Variants in RAPGEF5 observed in about 807,000 individuals in gnomAD.
RAPGEF5 encodes the protein M-Ras-regulated GEF.
In RAPGEF5, 65 loss-of-function variants were observed where a neutral mutation model predicts 125.2. That is an observed-to-expected ratio of 0.52 (90% CI 0.43 to 0.64). The LOEUF (loss-of-function observed/expected upper bound fraction) is 0.64. Ranked by LOEUF, RAPGEF5 falls within the 30% of genes least tolerant of loss-of-function variation. RAPGEF5 has a pLI of 0.00. For synonymous variants in RAPGEF5, 391 were observed against 385.9 expected, an observed-to-expected ratio of 1.01 and a Z score of -0.16; for missense variants, 958 against 1,048.1, an observed-to-expected ratio of 0.91 and a Z score of 1.19.
rs575195463 is a variant in RAPGEF5 at position 22,243,654 on chromosome 7, C to T, written c.797-12735G>A. On this transcript the variant is annotated intron_variant, in intron 7 of 25. Coordinates refer to ENST00000665637, the MANE Select transcript of RAPGEF5 (RefSeq NM_012294.5). ...AAGAGTTGTATATATTTATGGGATA[C>T]AATAGGATGCTTTGATGTATGCATA... 2.7e-3 allele frequency among the ~76,000 whole-genome samples: 406 copies of T among 152,174 alleles called. 1 individual carries two copies. Among genetic ancestry groups the T allele is most frequent in the Non-Finnish European group, 4.8e-3 (325 of 68,008 alleles).
rs774754319 is a variant in RAPGEF5, at chr7:22,318,012, G to A, written c.257C>T (p.Pro86Leu). 41 of 1,545,036 alleles carry A rather than the reference G, an allele frequency of 2.7e-5. No individual in the cohort carries two copies. The highest frequency in any genetic ancestry group is 2.4e-5 in the East Asian group (1 of 40,824). ...GRTLSRRISN[P>L]YLEHTPSQIY... ...CTGGGAAGGCGTATGTTCAAGGTAC[G>A]GATTAGATATTCTTCTTGATAGAGT... The change falls in exon 2 of 26, where the codon CCG becomes CTG. Residue 86 changes from proline to leucine, a missense_variant. Transcript: ENST00000665637.
intron 20 of RAPGEF5, among the ~76,000 whole-genome samples, chr7:22,144,069 G>C (rs188412372): frequency 6.6e-6 from 1 of 152,364 alleles, no homozygotes; most frequent in Non-Finnish European, 1.5e-5. Context: ...GGAAGATTTT[G>C]ATTCATGCTC....
intron 7 of RAPGEF5, among the ~76,000 whole-genome samples, chr7:22,251,085 G>A (rs147976298): frequency 2.6e-5 from 4 of 152,104 alleles, no homozygotes; most frequent in Non-Finnish European, 4.4e-5. Context: ...TAGTATATAA[G>A]AGACATGATT....
intron 10 of RAPGEF5, 125 bp from the exon 11 acceptor site, chr7:22,193,580 G>A (rs1447784869): frequency 1.3e-6 from 2 of 1,551,440 alleles, no homozygotes; most frequent in South Asian, 1.2e-5. Flanking sequence ...GTAGGCAAGG[G>A]CAGCTCTCGG....
At chr7:22,302,289 G>A (rs1202587285) in intron 5 of RAPGEF5, among the ~76,000 whole-genome samples, 1 of 152,188 alleles carries the variant, frequency 6.6e-6, no homozygotes, top group Non-Finnish European at 1.5e-5. Context: ...AGTCAGGACA[G>A]AGAGGGGGCT....
chr7:22,283,158 A>G (rs777762203), intron 6 of RAPGEF5, among the ~76,000 whole-genome samples: 29 of 152,150 alleles, frequency 1.9e-4, no homozygotes, highest in Non-Finnish European at 3.8e-4. Flanking sequence ...TAGAAAAATG[A>G]TAAAGTCTTT....
intron 14 of RAPGEF5, among the ~76,000 whole-genome samples, chr7:22,158,783 G>A (rs10950893): frequency 0.31 from 47,003 of 151,694 alleles, 7,863 homozygotes; most frequent in Non-Finnish European, 0.38. Context: ...GTGACACCAC[G>A]CCCAGCTAAG....
chr7:22,154,774 GGGT>G (rs1417530537), intron 16 of RAPGEF5, among the ~76,000 whole-genome samples, 170 bp from the exon 17 acceptor site: 8 of 152,170 alleles, frequency 5.3e-5, no homozygotes, highest in Admixed American at 3.3e-4. Flanking sequence ...GAGCACCTGA[GGGT>G]ATACGTCTAT....
At chr7:22,243,234 T>TA (rs1786385631) in intron 7 of RAPGEF5, among the ~76,000 whole-genome samples, 1 of 152,274 alleles carries the variant, frequency 6.6e-6, no homozygotes, top group South Asian at 2.1e-4. Flanking sequence ...TATTTGGGGA[T>TA]AAAAAAGTTT....
At chr7:22,331,384 TTCTATACCCTC>T (rs1783913198) in intron 1 of RAPGEF5, among the ~76,000 whole-genome samples, 1 of 152,186 alleles carries the variant, frequency 6.6e-6, no homozygotes, top group Admixed American at 6.5e-5. Flanking sequence ...AGCTCGATCT[TTCTATACCCTC>T]TTAAGTCTGA....
chr7:22,123,428 A>G (rs1348311787), intron 25 of RAPGEF5, among the ~76,000 whole-genome samples: 1 of 152,218 alleles, frequency 6.6e-6, no homozygotes, highest in Non-Finnish European at 1.5e-5. Context: ...TGGTGAAGAC[A>G]TCATATCCTG....
chr7:22,166,906 G>C (rs993578497), intron 12 of RAPGEF5, among the ~76,000 whole-genome samples, 164 bp downstream of exon 12: 1 of 152,138 alleles, frequency 6.6e-6, no homozygotes, highest in African/African-American at 2.4e-5. Context: ...AGTTTCCCCT[G>C]TCTGTCTCAT....
At chr7:22,168,210 G>T (rs749536966) in intron 11 of RAPGEF5, among the ~76,000 whole-genome samples, 23 of 152,246 alleles carry the variant, frequency 1.5e-4, no homozygotes, top group Non-Finnish European at 2.4e-4. Flanking sequence ...TATTTGAGAG[G>T]TAATTAGGAT....
intron 7 of RAPGEF5, among the ~76,000 whole-genome samples, chr7:22,248,160 G>T (rs909387640): frequency 2.6e-5 from 4 of 151,924 alleles, no homozygotes; most frequent in East Asian, 3.9e-4. Context: ...AAAGTAAAAA[G>T]AAACAAAAAA....
At chr7:22,325,715 C>G (rs1482772449) in intron 1 of RAPGEF5, among the ~76,000 whole-genome samples, 1 of 152,188 alleles carries the variant, frequency 6.6e-6, no homozygotes, top group Non-Finnish European at 1.5e-5. Context: ...CAGGTGCACA[C>G]CACCATGCCT....
intron 5 of RAPGEF5, among the ~76,000 whole-genome samples, chr7:22,292,775 C>CATGG (rs1782963162): frequency 6.6e-6 from 1 of 152,222 alleles, no homozygotes; most frequent in African/African-American, 2.4e-5. Context: ...TGTAGTGACA[C>CATGG]ATGGGCTGGT....
chr7:22,157,665 C>T (rs1004377008), intron 15 of RAPGEF5, among the ~76,000 whole-genome samples, 190 bp downstream of exon 15: 1 of 152,152 alleles, frequency 6.6e-6, no homozygotes, highest in Non-Finnish European at 1.5e-5. Context: ...CAGCTAAAAT[C>T]GGATCTGCAC....
At chr7:22,237,619 A>G (rs945429522) in intron 7 of RAPGEF5, among the ~76,000 whole-genome samples, 1 of 151,990 alleles carries the variant, frequency 6.6e-6, no homozygotes, top group Non-Finnish European at 1.5e-5. Flanking sequence ...CTTCCCTGCT[A>G]TATTAGCCCC....
At position 22,193,803 on chromosome 7, in the gene RAPGEF5, G is replaced by A. The variant is rs1355566648; in HGVS notation, c.1115+112C>T. The A allele has an allele frequency of 3.1e-6, 5 of 1,609,724 alleles. No homozygotes were observed. The South Asian group carries it at 3.3e-5, about 11-fold the overall frequency. ...CTGGAGAGGCGGAGAGAAAAGAGAGGGAGGGAGGGTAGAGGAGGCAGAGAG... is the reference window on the plus strand; with the variant it reads ...CTGGAGAGGCGGAGAGAAAAGAGAGAGAGGGAGGGTAGAGGAGGCAGAGAG... On this transcript the variant is annotated intron_variant, in intron 10 of 25. Coordinates refer to ENST00000665637, the MANE Select transcript of RAPGEF5 (RefSeq NM_012294.5).
Sources: gnomAD v4.1 joint callset for allele counts (sites outside exome capture counted in the v4.1 genomes callset) on GRCh38, gnomAD v4.1.1 for gene constraint, MANE v1.5 for transcripts, NCBI Gene and HGNC (gene_info 2026-07-23, HGNC 2026-07-21) for gene names.